Variants in SORCS1 observed in about 807,000 individuals in gnomAD.
SORCS1 encodes sortilin related VPS10 domain containing receptor 1.
SORCS1 carries 60 observed loss-of-function variants against 146.1 expected under a neutral mutation model. The ratio of observed to expected loss-of-function variants is 0.41; its 90% CI spans 0.33 to 0.51. SORCS1 has a LOEUF of 0.51. Ranked by LOEUF, SORCS1 falls within the 20% of genes least tolerant of loss-of-function variation. The probability of loss-of-function intolerance (pLI) is 0.21; values close to 1 mark genes in which losing one functional copy is unlikely to be tolerated. For missense variants in SORCS1, 1,352 were observed against 1,487.6 expected (o/e 0.91, Z 1.50); for synonymous variants, 637 against 584.0 (o/e 1.09, Z -1.31).
At chr10:106,805,527 T>A (rs1947119515) in intron 3 of SORCS1, among the ~76,000 whole-genome samples, 1 of 152,168 alleles carries the variant, frequency 6.6e-6, no homozygotes, top group South Asian at 2.1e-4. Flanking sequence ...TTACTATCCA[T>A]TTAACTGATT....
rs1336917503 is a variant in SORCS1, at chr10:106,675,077, C to T, written c.1912G>A (p.Glu638Lys). 3 of 1,613,800 alleles carry T rather than the reference C, an allele frequency of 1.9e-6. No homozygotes were observed. Among genetic ancestry groups the T allele is most frequent in the East Asian group, 2.2e-5 (1 of 44,858 alleles). The change falls in exon 14 of 26, where the codon GAG becomes AAG. Residue 638 changes from glutamate (E) to lysine (K), a missense_variant. By Grantham distance (56) the Glu-to-Lys change is moderately conservative (BLOSUM62 1). This residue lies in a region of SORCS1 where 648 missense variants were observed against 793.8 expected (regional missense o/e 0.82). Coordinates refer to ENST00000263054, the MANE Select transcript of SORCS1 (RefSeq NM_052918.5). ...IPLFVDGVLGEPGEETLIMTV... is the reference protein window; with the variant it reads ...IPLFVDGVLGKPGEETLIMTV... ...ATGATGAGAGTCTCTTCTCCAGGCTCACCCAGAACCCCATCCACAAAAAGT... is the reference window on the plus strand; with the variant it reads ...ATGATGAGAGTCTCTTCTCCAGGCTTACCCAGAACCCCATCCACAAAAAGT...
At chr10:107,099,181 G>A (rs1357075605) in intron 1 of SORCS1, among the ~76,000 whole-genome samples, 1 of 152,182 alleles carries the variant, frequency 6.6e-6, no homozygotes. Context: ...AGTCTTGATT[G>A]GCAGATAAAA....
rs368747342 is a variant in SORCS1 at position 106,679,239 on chromosome 10, C to A, written c.1740+17G>T. 26 of 1,597,208 alleles carry A rather than the reference C, an allele frequency of 1.6e-5. No individual in the cohort carries two copies. The highest frequency in any genetic ancestry group is 1.8e-5 in the Admixed American group (1 of 57,118). On this transcript the variant is annotated intron_variant, in intron 12 of 25. Transcript: ENST00000263054. The stretch of plus-strand genomic sequence containing the variant: ...GTTACTTAAACTTCAGCGATTTGAC[C>A]CAGGGTATTTTCTTACCTGTCTCCA...
At chr10:106,587,799 TAGAC>T (rs564813716) in intron 24 of SORCS1, among the ~76,000 whole-genome samples, 20 of 152,194 alleles carry the variant, frequency 1.3e-4, no homozygotes, top group South Asian at 2.1e-4. Context: ...AGGCAACTGA[TAGAC>T]AGACAGGAGG....
chr10:106,984,653 A>T (rs1956388181), intron 1 of SORCS1, among the ~76,000 whole-genome samples: 1 of 151,882 alleles, frequency 6.6e-6, no homozygotes, highest in Non-Finnish European at 1.5e-5. Context: ...TGGGTCTCCC[A>T]AAGGGCTGGG....
intron 2 of SORCS1, among the ~76,000 whole-genome samples, chr10:106,888,409 TC>T (rs1951090999): frequency 6.6e-6 from 1 of 152,112 alleles, no homozygotes; most frequent in African/African-American, 2.4e-5. Context: ...GAAGAAAATA[TC>T]AAGACTATCA....
At chr10:106,911,020 T>A (rs1436942184) in intron 2 of SORCS1, among the ~76,000 whole-genome samples, 2 of 152,216 alleles carry the variant, frequency 1.3e-5, no homozygotes, top group Non-Finnish European at 2.9e-5. Flanking sequence ...TCTTATATAT[T>A]TCTGATGCCT....
rs774883124 is a variant in SORCS1 at position 107,164,091 on chromosome 10, C to A, written c.436G>T (p.Asp146Tyr). The A allele has an allele frequency of 5.0e-6, 8 of 1,613,796 alleles. No individual in the cohort carries two copies. The South Asian group carries it at 8.8e-5, about 18-fold the overall frequency. Residue 146 changes from aspartate (D) to tyrosine (Y), a missense_variant, in exon 1 of 26, where the codon GAC (aspartate) becomes TAC (tyrosine). Asp to Tyr is a radical substitution (Grantham distance 160, BLOSUM62 -3). Transcript: ENST00000263054. The surrounding 1 kb of genome is among the most constrained non-coding windows in gnomAD (Gnocchi z 6.8). ...CGGAAGCGGGTGGCTTTGTCCGGGT[C>A]CCGCTCCCGAGTCCCAGGCTCCTGC... is the stretch of plus-strand genomic sequence containing the variant. The part of the protein sequence containing the change: ...GQQEPGTRER[D>Y]PDKATRFRME...
chr10:107,161,347 C>A (rs1015154517), intron 1 of SORCS1, among the ~76,000 whole-genome samples: 1 of 152,110 alleles, frequency 6.6e-6, no homozygotes, highest in African/African-American at 2.4e-5. Context: ...GGTCTGGGGG[C>A]AGATTTATAG....
chr10:107,007,700 CATT>C (rs1430479455), intron 1 of SORCS1, among the ~76,000 whole-genome samples: 1 of 152,178 alleles, frequency 6.6e-6, no homozygotes, highest in African/African-American at 2.4e-5. Context: ...CTTTAGAAAA[CATT>C]ATAAAAACTC....
chr10:106,822,247 A>G (rs576626493), intron 3 of SORCS1, among the ~76,000 whole-genome samples: 172 of 152,316 alleles, frequency 1.1e-3, no homozygotes, highest in African/African-American at 3.7e-3. Flanking sequence ...TGAATGTTAT[A>G]ATAGGTGCTT....
the SORCS1 span, among the ~76,000 whole-genome samples, chr10:107,178,766 G>A: frequency 6.6e-6 from 1 of 152,018 alleles, no homozygotes; most frequent in African/African-American, 2.4e-5. Flanking sequence ...GGGATTACAG[G>A]CGTGAGCCAC....
At chr10:106,774,889 T>C (rs1261302069) in intron 4 of SORCS1, among the ~76,000 whole-genome samples, 2 of 152,240 alleles carry the variant, frequency 1.3e-5, no homozygotes, top group African/African-American at 4.8e-5. Flanking sequence ...TGTTTCTTTT[T>C]AAATCACTTT....
At position 106,905,977 on chromosome 10, in the gene SORCS1, T is replaced by G. The variant is rs578211800; in HGVS notation, c.626+50536A>C. Among the ~76,000 whole-genome samples the G allele has an allele frequency of 8.5e-5, 13 of 152,318 alleles. No individual in the cohort carries two copies. The South Asian group carries it at 2.7e-3, about 32-fold the overall frequency. Reference sequence around the variant, plus strand: ...AACTAACTTAATTTCTATCCTCTCATAACTCAATCTCATCTACCTCACATC... The same window carrying G: ...AACTAACTTAATTTCTATCCTCTCAGAACTCAATCTCATCTACCTCACATC... On this transcript the variant is annotated intron_variant, in intron 2 of 25. Transcript: ENST00000263054.
intron 2 of SORCS1, among the ~76,000 whole-genome samples, chr10:106,954,073 C>A (rs1179742738): frequency 6.6e-6 from 1 of 152,300 alleles, no homozygotes; most frequent in South Asian, 2.1e-4. Flanking sequence ...AGTAACAATG[C>A]CCCTTCATGG....
At chr10:106,730,003 T>A in intron 6 of SORCS1, 47 bp downstream of exon 6, 1 of 1,567,856 alleles carries the variant, frequency 6.4e-7, no homozygotes. Context: ...GACAGAGTCA[T>A]AGAACTAATA....
At chr10:106,730,193 C>A in intron 5 of SORCS1, 79 bp from the exon 6 acceptor site, 3 of 1,349,894 alleles carry the variant, frequency 2.2e-6, no homozygotes, top group Non-Finnish European at 3.2e-6. Flanking sequence ...GGCAGAGCCC[C>A]CAGACTATTA....
At chr10:106,762,186 G>A (rs886641760) in intron 4 of SORCS1, among the ~76,000 whole-genome samples, 15 of 152,052 alleles carry the variant, frequency 9.9e-5, no homozygotes, top group African/African-American at 3.1e-4. Flanking sequence ...GGACCTGAAC[G>A]AATGACAGCA....
At chr10:106,622,933 T>C (rs1847848563) in intron 19 of SORCS1, among the ~76,000 whole-genome samples, 1 of 152,236 alleles carries the variant, frequency 6.6e-6, no homozygotes, top group South Asian at 2.1e-4. Flanking sequence ...CAGGTAAATA[T>C]GTCCCAGGCA....
Sources: allele counts gnomAD v4.1 joint callset (sites outside exome capture counted in the v4.1 genomes callset), GRCh38; gene constraint gnomAD v4.1.1; regional missense constraint gnomAD v4.1.1; non-coding constraint Gnocchi (gnomAD v3.1); transcripts MANE v1.5; gene names NCBI Gene and HGNC (gene_info 2026-07-23, HGNC 2026-07-21).